The following PIRT variants were observed in gnomAD, a reference collection of about 807,000 sequenced individuals.
PIRT encodes phosphoinositide interacting regulator of transient receptor potential channels, also known as phosphoinositide-interacting protein.
In PIRT, 6 loss-of-function variants were observed where a neutral mutation model predicts 7.9. The ratio of observed to expected loss-of-function variants is 0.76; its 90% CI spans 0.42 to 1.51. The LOEUF (loss-of-function observed/expected upper bound fraction) is 1.51, where lower values mean the gene tolerates loss of function less well. Ranked by LOEUF, PIRT falls within the 40% of genes most tolerant of loss-of-function variation. PIRT has a pLI of 0.01. For missense variants in PIRT, 170 were observed against 172.9 expected, an observed-to-expected ratio of 0.98 and a Z score of 0.09; for synonymous variants, 78 against 71.8, an observed-to-expected ratio of 1.09 and a Z score of -0.44.
chr17:10,829,315 C>A (rs374375922), intron 1 of PIRT, among the ~76,000 whole-genome samples: 3 of 152,240 alleles, frequency 2.0e-5, no homozygotes, highest in South Asian at 4.2e-4. Flanking sequence ...GAAGGGCTTG[C>A]TCCTGGGAGC....
chr17:10,829,658 CT>C (rs1195654715), intron 1 of PIRT, among the ~76,000 whole-genome samples: 1 of 152,198 alleles, frequency 6.6e-6, no homozygotes, highest in African/African-American at 2.4e-5. Flanking sequence ...GAGATTATCA[CT>C]TTGTGGCTCC....
In PIRT at chr17:10,825,488, C is replaced by A. The variant is rs372833831; in HGVS notation, c.158G>T (p.Arg53Leu). The stretch of plus-strand genomic sequence containing the variant: ...CACTGACATGATAACGATGGGCTTG[C>A]GGTAGATTTCCCAGTTACTCCTGGG... ...TTPRSNWEIYRKPIVIMSVGG... is the reference protein window; with the variant it reads ...TTPRSNWEIYLKPIVIMSVGG... The change falls in exon 2 of 2, where the codon CGC becomes CTC. Residue 53 changes from arginine (R) to leucine (L), a missense_variant. Coordinates refer to ENST00000580256, the MANE Select transcript of PIRT (RefSeq NM_001101387.2). The A allele has an allele frequency of 1.2e-6, 2 of 1,613,838 alleles. No homozygotes were observed. The highest frequency in any genetic ancestry group is 8.5e-7 in the Non-Finnish European group (1 of 1,179,848).
rs74345770 is a variant in PIRT, at chr17:10,824,822, T to C, written c.*410A>G. On this transcript the variant is annotated 3_prime_UTR_variant, in exon 2 of 2. Transcript: ENST00000580256. ...AGGACCTCCGTGGGTCAGTTTTGGT[T>C]CCAGAAGTATGCAAATGAAGAATCC... is the stretch of plus-strand genomic sequence containing the variant. 968 of 187,546 alleles carry C rather than the reference T, an allele frequency of 5.2e-3. 11 individuals are homozygous for C. Among genetic ancestry groups the C allele is most frequent in the African/African-American group, 0.021 (913 of 42,824 alleles). 11.6% of individuals were successfully genotyped at this position (187,546 alleles called of 1,614,324 possible).
intron 1 of PIRT, among the ~76,000 whole-genome samples, chr17:10,830,108 G>A (rs1905429679): frequency 6.6e-6 from 1 of 152,142 alleles, no homozygotes; most frequent in East Asian, 1.9e-4. Flanking sequence ...TGAATGGGCA[G>A]GGAGGCACTT....
chr17:10,828,858 A>G (rs1241908064), intron 1 of PIRT, among the ~76,000 whole-genome samples: 6 of 152,324 alleles, frequency 3.9e-5, no homozygotes, highest in African/African-American at 1.4e-4. Context: ...AACAGGGGGA[A>G]ATAGGAGTTG....
intron 1 of PIRT, among the ~76,000 whole-genome samples, chr17:10,834,441 G>A (rs1905535045): frequency 6.6e-6 from 1 of 152,176 alleles, no homozygotes; most frequent in South Asian, 2.1e-4. Context: ...GCAAAGCTCA[G>A]AAAATTGTTG....
Position 10,825,079 on chromosome 17 carries a change from G to C in PIRT, c.*153C>G. ...CTGGCAACATTCCCGGCTGCATGGA[G>C]GGTGGAGCCCCAAGCTCTATCTTCC... is the stretch of plus-strand genomic sequence containing the variant. On this transcript the variant is annotated 3_prime_UTR_variant, in exon 2 of 2. Coordinates refer to ENST00000580256, the MANE Select transcript of PIRT (RefSeq NM_001101387.2). 1 of 969,554 alleles carries C rather than the reference G, an allele frequency of 1.0e-6. No homozygotes were observed. Among genetic ancestry groups the C allele is most frequent in the Non-Finnish European group, 1.5e-6 (1 of 665,328 alleles). 60.1% of individuals were successfully genotyped at this position (969,554 alleles called of 1,614,324 possible). A position where few individuals can be genotyped will look rare whatever the true frequency, so the allele number is the denominator to read the frequency against.
chr17:10,827,465 C>CTTTTTTTGTTTTTTTTTTTTT (rs1905354288), intron 1 of PIRT, among the ~76,000 whole-genome samples: 1 of 56,292 alleles, frequency 1.8e-5, no homozygotes, highest in African/African-American at 7.5e-5. Flanking sequence ...TTTTTCTTTT[C>CTTTTTTTGTTTTTTTTTTTTT]TTTTTTTTTT....
rs574730117 is a variant in PIRT, at chr17:10,837,433, G to T, written c.-139+512C>A. Among the ~76,000 whole-genome samples, 8 of 152,346 alleles carry T rather than the reference G, an allele frequency of 5.3e-5. No individual in the cohort carries two copies. In the East Asian group the frequency reaches 1.5e-3, roughly 29 times the overall value. ...TTTCTGGCACCTGCCCCAGACACCT[G>T]CCACAGCTGCAGGAGGAAGACATTG... On this transcript the variant is annotated intron_variant, in intron 1 of 1. Transcript: ENST00000580256.
chr17:10,826,899 G>A (rs879261107), intron 1 of PIRT, among the ~76,000 whole-genome samples: 13 of 151,848 alleles, frequency 8.6e-5, no homozygotes, highest in Non-Finnish European at 1.3e-4. Flanking sequence ...CGCACCCTCC[G>A]CCTCCCGGGT....
rs971492521 is a variant in PIRT at position 10,823,837 on chromosome 17, C to G, written c.*1395G>C. 1 of 152,174 alleles carries G rather than the reference C, an allele frequency of 6.6e-6. No individual in the cohort carries two copies. Among genetic ancestry groups the G allele is most frequent in the Admixed American group, 6.5e-5 (1 of 15,280 alleles). The allele number at this position is 152,174 out of a possible 1,614,324, so 9.4% of individuals were successfully genotyped here. On this transcript the variant is annotated 3_prime_UTR_variant, in exon 2 of 2. Coordinates refer to ENST00000580256, the MANE Select transcript of PIRT (RefSeq NM_001101387.2). The stretch of plus-strand genomic sequence containing the variant: ...CCTCCAGGAGAAGCTGCGCTAGGCA[C>G]TTGGTGAAGAGGTGGGAAGCCGGGA...
chr17:10,836,859 A>G (rs995823083), intron 1 of PIRT, among the ~76,000 whole-genome samples: 1 of 152,150 alleles, frequency 6.6e-6, no homozygotes, highest in Non-Finnish European at 1.5e-5. Context: ...GAGTGGTAAG[A>G]AGTGGAGGGT....
At chr17:10,828,008 C>T (rs980606271) in intron 1 of PIRT, among the ~76,000 whole-genome samples, 1 of 152,224 alleles carries the variant, frequency 6.6e-6, no homozygotes, top group Non-Finnish European at 1.5e-5. Context: ...AGAGATTTTA[C>T]ACATCTTTAA....
At chr17:10,836,200 G>A (rs116664455) in intron 1 of PIRT, among the ~76,000 whole-genome samples, 1 of 152,092 alleles carries the variant, frequency 6.6e-6, no homozygotes, top group Non-Finnish European at 1.5e-5. Flanking sequence ...ACTGCACCCG[G>A]CCAATCCTGC....
At chr17:10,837,238 T>C (rs912728908) in intron 1 of PIRT, among the ~76,000 whole-genome samples, 11 of 152,088 alleles carry the variant, frequency 7.2e-5, no homozygotes, top group African/African-American at 2.4e-4. Context: ...GGTAGAAAAA[T>C]AGCTCGGGCG....
At chr17:10,829,613 A>G (rs1215731091) in intron 1 of PIRT, among the ~76,000 whole-genome samples, 1 of 152,150 alleles carries the variant, frequency 6.6e-6, no homozygotes, top group Non-Finnish European at 1.5e-5. Context: ...GCTAGTCTGG[A>G]TGGGTCCCAA....
chr17:10,825,765 G>T lies in PIRT; in HGVS notation c.-120C>A. ...ATCTCTAGCCCCGCTCTCAGTGGAG[G>T]GTGAACAAGGTTTTTGTGCTGAAGC... On this transcript the variant is annotated 5_prime_UTR_variant, in exon 2 of 2. Coordinates refer to ENST00000580256, the MANE Select transcript of PIRT (RefSeq NM_001101387.2). 1.0e-6 allele frequency: 1 copy of T among 990,872 alleles called. No individual in the cohort carries two copies. Among genetic ancestry groups the T allele is most frequent in the Non-Finnish European group, 1.3e-6 (1 of 747,014 alleles). 61.4% of individuals were successfully genotyped at this position (990,872 alleles called of 1,614,324 possible).
At chr17:10,827,244 G>A (rs1049758384) in intron 1 of PIRT, among the ~76,000 whole-genome samples, 3 of 152,082 alleles carry the variant, frequency 2.0e-5, no homozygotes, top group African/African-American at 7.2e-5. Flanking sequence ...GCCCACCCCA[G>A]GGTCTAATCG....
At chr17:10,830,007 CT>C (rs35232152) in intron 1 of PIRT, among the ~76,000 whole-genome samples, 1 of 139,412 alleles carries the variant, frequency 7.2e-6, no homozygotes, top group Non-Finnish European at 1.6e-5. Context: ...ATCTATCTAT[CT>C]ATCATCATCA....
Sources: gnomAD v4.1 joint callset for allele counts (sites outside exome capture counted in the v4.1 genomes callset) on GRCh38, gnomAD v4.1.1 for gene constraint, MANE v1.5 for transcripts, NCBI Gene and HGNC (gene_info 2026-07-23, HGNC 2026-07-21) for gene names.